Variants in ANO1 observed in about 807,000 individuals in gnomAD.
The protein encoded by ANO1 is anoctamin 1.
In ANO1, 59 loss-of-function variants were observed where a neutral mutation model predicts 124.0. The ratio of observed to expected loss-of-function variants is 0.48; its 90% CI spans 0.39 to 0.59. The LOEUF is 0.59. Ranked by LOEUF, ANO1 falls within the 20% of genes least tolerant of loss-of-function variation. The pLI is 0.00. For synonymous variants in ANO1, 529 were observed against 532.0 expected (o/e 0.99, Z 0.08); for missense variants, 1,059 against 1,328.0 (o/e 0.80, Z 3.15).
the ANO1 span, among the ~76,000 whole-genome samples, chr11:69,971,809 C>T: frequency 3.9e-5 from 6 of 152,136 alleles, no homozygotes; most frequent in African/African-American, 1.2e-4. Context: ...GTAACTCTCA[C>T]CTTCACGACT....
Position 70,122,262 on chromosome 11 carries a change from G to A in ANO1, c.898-2088G>A, listed in dbSNP as rs1303254134. 2.3e-5 allele frequency among the ~76,000 whole-genome samples: 2 copies of A among 88,542 alleles called. 1 individual carries two copies. Among genetic ancestry groups the A allele is most frequent in the Non-Finnish European group, 4.3e-5 (2 of 46,976 alleles). The allele number at this position is 88,542 out of a possible 152,430, so 58.1% of individuals were successfully genotyped here. ...CACCTCTCTGTCTGTCTCTATCTCT[G>A]TCTCTCCATCTGCCTCTGTCTCTGT... On this transcript the variant is annotated intron_variant, in intron 8 of 25. Coordinates refer to ENST00000355303, the MANE Select transcript of ANO1 (RefSeq NM_018043.7).
chr11:69,968,902 A>T, the ANO1 span, among the ~76,000 whole-genome samples: 9 of 152,166 alleles, frequency 5.9e-5, no homozygotes, highest in African/African-American at 2.2e-4. Flanking sequence ...CCCTTGAGGG[A>T]GCCCTGGCAG....
intron 22 of ANO1, 149 bp downstream of exon 22, chr11:70,171,188 G>T: frequency 8.5e-7 from 1 of 1,183,364 alleles, no homozygotes. Context: ...GAGCCTGGGG[G>T]CAGGTGACAC....
At chr11:70,014,321 C>A (rs972206571) in intron 1 of ANO1, among the ~76,000 whole-genome samples, 19 of 150,702 alleles carry the variant, frequency 1.3e-4, no homozygotes, top group African/African-American at 3.4e-4. Context: ...ACCCCACTCC[C>A]CGCCCCTGAG....
chr11:70,172,128 A>AG (rs2048497518), intron 22 of ANO1, among the ~76,000 whole-genome samples: 1 of 145,884 alleles, frequency 6.9e-6, no homozygotes, highest in Non-Finnish European at 1.5e-5. Context: ...TTAAAAAAAA[A>AG]AAAAAAAAGA....
intron 1 of ANO1, among the ~76,000 whole-genome samples, chr11:69,997,836 C>T (rs1456867303): frequency 6.6e-6 from 1 of 152,132 alleles, no homozygotes; most frequent in African/African-American, 2.4e-5. Flanking sequence ...GACGTCTGCT[C>T]CCCCTTTGCC....
chr11:69,969,252 C>T, the ANO1 span, among the ~76,000 whole-genome samples: 1 of 152,288 alleles, frequency 6.6e-6, no homozygotes, highest in Middle Eastern at 3.4e-3. Context: ...CAGGGAATCT[C>T]CTTCGGAGCC....
intron 23 of ANO1, among the ~76,000 whole-genome samples, chr11:70,181,008 G>A (rs1019610707): frequency 3.9e-5 from 6 of 152,086 alleles, no homozygotes; most frequent in African/African-American, 7.2e-5. Flanking sequence ...CTTCCCCATC[G>A]GGGTCTGTCT....
At chr11:70,128,096 A>G (rs2046595416) in intron 10 of ANO1, among the ~76,000 whole-genome samples, 1 of 152,350 alleles carries the variant, frequency 6.6e-6, no homozygotes, top group African/African-American at 2.4e-5. Flanking sequence ...GCACAAAAAG[A>G]CCATATCTGG....
the ANO1 span, among the ~76,000 whole-genome samples, chr11:69,968,947 C>T: frequency 2.0e-5 from 3 of 152,248 alleles, no homozygotes; most frequent in Non-Finnish European, 4.4e-5. Context: ...CTGCACCCTC[C>T]AGTCTTCACT....
chr11:70,011,429 C>T (rs1309571023), intron 1 of ANO1, among the ~76,000 whole-genome samples: 2 of 152,212 alleles, frequency 1.3e-5, no homozygotes, highest in African/African-American at 4.8e-5. Context: ...CCACAGCAGC[C>T]ATGCTGCCAG....
intron 4 of ANO1, among the ~76,000 whole-genome samples, chr11:70,105,148 C>T (rs1012369850): frequency 1.3e-5 from 2 of 152,118 alleles, no homozygotes; most frequent in Non-Finnish European, 2.9e-5. Context: ...GCTAAGCTCA[C>T]CTCCAGGCTC....
Position 70,066,766 on chromosome 11 carries a change from G to A in ANO1, c.59-11776G>A, listed in dbSNP as rs115120695. Among the ~76,000 whole-genome samples, 683 of 152,230 alleles carry A rather than the reference G, an allele frequency of 4.5e-3. 2 individuals carry two copies. The highest frequency in any genetic ancestry group is 0.016 in the African/African-American group (649 of 41,540). ...GCTCCATCACCGTAACTCCACGGTG[G>A]AGCAAAGCACCCCGGAGGCTGTCCT... On this transcript the variant is annotated intron_variant, in intron 1 of 27. Transcript: ENST00000531349.
At chr11:70,083,752 T>G (rs939422764) in intron 1 of ANO1, among the ~76,000 whole-genome samples, 1 of 152,186 alleles carries the variant, frequency 6.6e-6, no homozygotes, top group African/African-American at 2.4e-5. Flanking sequence ...TCAGTCCCTG[T>G]GTACTGAGGT....
In ANO1 at chr11:70,144,844, T is replaced by C. The variant is rs531670816; in HGVS notation, c.1259-4866T>C. ...AAGGCCTGGGTCCAGGTTTCTGCCC[T>C]TACTTGATGAGTCCCCTGACGTCTC... On this transcript the variant is annotated intron_variant, in intron 11 of 25. Coordinates refer to ENST00000355303, the MANE Select transcript of ANO1 (RefSeq NM_018043.7). Among the ~76,000 whole-genome samples, 9 of 152,340 alleles carry C rather than the reference T, an allele frequency of 5.9e-5. No homozygotes were observed. In the South Asian group the frequency reaches 1.7e-3, roughly 28 times the overall value.
intron 1 of ANO1, among the ~76,000 whole-genome samples, chr11:70,021,477 CT>C (rs58399294): frequency 0.26 from 37,566 of 144,906 alleles, 4,916 homozygotes; most frequent in South Asian, 0.33. Context: ...GTTGTTGTTT[CT>C]TTTTTTTTTT....
intron 10 of ANO1, among the ~76,000 whole-genome samples, chr11:70,130,031 C>T (rs997660111): frequency 2.0e-5 from 3 of 152,156 alleles, no homozygotes; most frequent in Non-Finnish European, 4.4e-5. Flanking sequence ...TTGCAAGGGA[C>T]GTTTATTAAG....
chr11:70,165,328 C>A, intron 19 of ANO1, 142 bp from the exon 20 acceptor site: 1 of 684,186 alleles, frequency 1.5e-6, no homozygotes, highest in South Asian at 1.6e-5. Context: ...GGCCACGTTC[C>A]CAGGTGGCGG....
chr11:69,977,729 G>A, the ANO1 span, among the ~76,000 whole-genome samples: 1 of 152,244 alleles, frequency 6.6e-6, no homozygotes, highest in Non-Finnish European at 1.5e-5. Context: ...CACCAGGGGA[G>A]TCCCCCAGAT....
Sources: gnomAD v4.1 joint callset for allele counts (sites outside exome capture counted in the v4.1 genomes callset) on GRCh38, gnomAD v4.1.1 for gene constraint, MANE v1.5 for transcripts, NCBI Gene and HGNC (gene_info 2026-07-23, HGNC 2026-07-21) for gene names.